Variants in ZSCAN5A observed in about 807,000 individuals in gnomAD.
ZSCAN5A encodes the protein zinc finger and SCAN domain-containing protein 5A.
In ZSCAN5A, 12 loss-of-function variants were observed where a neutral mutation model predicts 23.7. The ratio of observed to expected loss-of-function variants is 0.51; its 90% CI spans 0.32 to 0.82. The LOEUF is 0.82. ZSCAN5A is among the 40% of genes least tolerant of loss of function. The pLI is 0.03. For missense variants in ZSCAN5A, 597 were observed against 617.9 expected, an observed-to-expected ratio of 0.97 and a Z score of 0.36; for synonymous variants, 257 against 239.9, an observed-to-expected ratio of 1.07 and a Z score of -0.66.
intron 2 of ZSCAN5A, among the ~76,000 whole-genome samples, chr19:56,228,973 G>A (rs1475424460): frequency 6.6e-6 from 1 of 152,216 alleles, no homozygotes; most frequent in Admixed American, 6.5e-5. Flanking sequence ...GACGGTGATA[G>A]GGTGGTTTAT....
intron 2 of ZSCAN5A, chr19:56,297,883 C>T (rs920841922): frequency 1.3e-5 from 2 of 152,170 alleles, no homozygotes; most frequent in African/African-American, 4.8e-5. Context: ...AGCAGCAAGC[C>T]ACCAAGTGAT....
rs997107282 is a variant in ZSCAN5A, at chr19:56,221,711, C to T, written c.1355G>A (p.Arg452Lys). 13 of 1,614,058 alleles carry T rather than the reference C, an allele frequency of 8.1e-6. No homozygotes were observed. The highest frequency in any genetic ancestry group is 6.7e-5 in the Admixed American group (4 of 60,002). ...GCGCTGGTGCTCCTTCAGGCTCCCC[C>T]TGTAGGTGAAAACTTTCTTGCAGTC... Reference protein sequence around the residue: ...CKDCKKVFTYRGSLKEHQRIH... With the variant: ...CKDCKKVFTYKGSLKEHQRIH... Residue 452 changes from arginine (R) to lysine (K), a missense_variant, in exon 6 of 6, where the codon AGG (arginine) becomes AAG (lysine). By Grantham distance (26) the Arg-to-Lys change is conservative. Around this residue, in one of 5 missense-constraint regions of ZSCAN5A, gnomAD observed 87 missense variants for 74.4 expected, o/e 1.17. Transcript: ENST00000683990.
chr19:56,320,936 C>T (rs1335558017), intron 2 of ZSCAN5A: 1 of 751,954 alleles, frequency 1.3e-6, no homozygotes, highest in Non-Finnish European at 2.5e-6. Context: ...TCTACTTGGT[C>T]CTGCTTTCAA....
intron 1 of ZSCAN5A, chr19:56,367,984 CT>C (rs1330044086): frequency 6.6e-6 from 1 of 152,368 alleles, no homozygotes; most frequent in Admixed American, 6.5e-5. Context: ...CCTTCCCCCC[CT>C]CTTAAAGCCT....
At chr19:56,320,049 C>T in intron 2 of ZSCAN5A, 1 of 797,030 alleles carries the variant, frequency 1.3e-6, no homozygotes, top group South Asian at 1.3e-5. Flanking sequence ...TTCTGGTCTG[C>T]ATCAGACTTA....
Position 56,221,467 on chromosome 19 carries a change from C to T in ZSCAN5A, c.*108G>A. ...CTGGCAATTCATATCTAGGGCACTC[C>T]CTCTGTGTGTCAGACGCCCTTGCAT... On this transcript the variant is annotated 3_prime_UTR_variant, in exon 6 of 6. Transcript: ENST00000683990. 1 of 1,380,136 alleles carries T rather than the reference C, an allele frequency of 7.2e-7. No individual in the cohort carries two copies. Among genetic ancestry groups the T allele is most frequent in the Admixed American group, 2.3e-5 (1 of 42,658 alleles). 85.5% of individuals were successfully genotyped at this position (1,380,136 alleles called of 1,614,324 possible). A position where few individuals can be genotyped will look rare whatever the true frequency, so the allele number is the denominator to read the frequency against.
intron 2 of ZSCAN5A, among the ~76,000 whole-genome samples, chr19:56,325,535 A>G (rs905419836): frequency 6.6e-6 from 1 of 152,136 alleles, no homozygotes; most frequent in Non-Finnish European, 1.5e-5. Flanking sequence ...TCACTCTTGC[A>G]TGACCTTTTA....
chr19:56,350,911 G>T (rs1454631734), intron 2 of ZSCAN5A, among the ~76,000 whole-genome samples: 2 of 151,000 alleles, frequency 1.3e-5, no homozygotes, highest in African/African-American at 4.9e-5. Context: ...ACTTTAAATG[G>T]TGCTGTGAGC....
intron 2 of ZSCAN5A, among the ~76,000 whole-genome samples, chr19:56,251,966 T>G (rs2036374513): frequency 6.6e-6 from 1 of 152,232 alleles, no homozygotes; most frequent in African/African-American, 2.4e-5. Context: ...ATATATTCTC[T>G]GCTCCTTTGT....
chr19:56,336,893 C>T (rs1313428741), intron 2 of ZSCAN5A, among the ~76,000 whole-genome samples: 7 of 152,168 alleles, frequency 4.6e-5, no homozygotes, highest in African/African-American at 1.7e-4. Context: ...GGCTGCAGAA[C>T]AGCGGATATT....
intron 2 of ZSCAN5A, among the ~76,000 whole-genome samples, chr19:56,301,124 G>T (rs1400013840): frequency 6.6e-6 from 1 of 152,168 alleles, no homozygotes; most frequent in African/African-American, 2.4e-5. Context: ...GTGCAAGAAA[G>T]AATTTGAGGC....
chr19:56,302,537 T>TCCCCGTTCCTCCCTC (rs1568726049), intron 2 of ZSCAN5A, among the ~76,000 whole-genome samples: 1 of 49,228 alleles, frequency 2.0e-5, no homozygotes, highest in Non-Finnish European at 4.5e-5. Context: ...TCCCTCTTCT[T>TCCCCGTTCCTCCCTC]CCTCCCCGTT....
chr19:56,325,730 CTGT>C (rs35087517), intron 2 of ZSCAN5A, among the ~76,000 whole-genome samples: 31,020 of 151,436 alleles, frequency 0.2, 4,407 homozygotes, highest in African/African-American at 0.41. Flanking sequence ...TACTGGTTAT[CTGT>C]TGTTGTTGTT....
At chr19:56,357,394 G>A (rs1277258615) in intron 2 of ZSCAN5A, among the ~76,000 whole-genome samples, 2 of 148,262 alleles carry the variant, frequency 1.3e-5, no homozygotes, top group Admixed American at 6.7e-5. Flanking sequence ...GGTACACGCA[G>A]TATTTTGATA....
At chr19:56,320,960 A>G (rs1355363998) in intron 2 of ZSCAN5A, 3 of 740,864 alleles carry the variant, frequency 4.0e-6, no homozygotes, top group Middle Eastern at 2.4e-4. Context: ...GTGGGTTTTG[A>G]TAGCAGCATT....
chr19:56,264,884 G>C (rs1294769809), intron 2 of ZSCAN5A, among the ~76,000 whole-genome samples: 1 of 152,202 alleles, frequency 6.6e-6, no homozygotes, highest in African/African-American at 2.4e-5. Flanking sequence ...CACTTTGGGA[G>C]GCCGAGGCAG....
rs917849992 is a variant in ZSCAN5A at position 56,352,611 on chromosome 19, G to A, written c.-358+10624C>T. ...ATATAGCAATGATAGTTGGTTTTTT[G>A]TAGACAATTATCAAAGTAAGGCGGT... is the stretch of plus-strand genomic sequence containing the variant. On this transcript the variant is annotated intron_variant, in intron 2 of 6. Coordinates refer to the ZSCAN5A transcript ENST00000587340. The surrounding 1 kb of genome is among the most constrained non-coding windows in gnomAD (Gnocchi z 4.2). Among the ~76,000 whole-genome samples, 17 of 152,218 alleles carry A rather than the reference G, an allele frequency of 1.1e-4. No individual in the cohort carries two copies. Among genetic ancestry groups the A allele is most frequent in the Non-Finnish European group, 2.1e-4 (14 of 68,046 alleles).
At chr19:56,248,354 C>T (rs1055850885) in intron 2 of ZSCAN5A, among the ~76,000 whole-genome samples, 7 of 152,008 alleles carry the variant, frequency 4.6e-5, no homozygotes, top group South Asian at 2.1e-4. Flanking sequence ...CTGACCTCCA[C>T]GGCTCAAGCA....
rs951002286 is a variant in ZSCAN5A, at chr19:56,235,099, G to A, written c.-127-9926C>T. On this transcript the variant is annotated intron_variant, in intron 2 of 5. Coordinates refer to ENST00000683990, the MANE Select transcript of ZSCAN5A (RefSeq NM_001322064.3). Reference sequence around the variant, plus strand: ...GCCTCCACTCCAACCTCTGATGGACGGTGGGCCAAGCCTCCACTCCAACCT... The same window carrying A: ...GCCTCCACTCCAACCTCTGATGGACAGTGGGCCAAGCCTCCACTCCAACCT... Among the ~76,000 whole-genome samples the A allele has an allele frequency of 2.1e-4, 20 of 95,424 alleles. 1 individual carries two copies. The highest frequency in any genetic ancestry group is 3.7e-4 in the Non-Finnish European group (16 of 42,716). 62.6% of individuals were successfully genotyped at this position (95,424 alleles called of 152,430 possible). A position where few individuals can be genotyped will look rare whatever the true frequency, so the allele number is the denominator to read the frequency against.
Sources: gnomAD v4.1 joint callset for allele counts (sites outside exome capture counted in the v4.1 genomes callset) on GRCh38, gnomAD v4.1.1 for gene constraint, gnomAD v4.1.1 regional missense constraint, Gnocchi (gnomAD v3.1) non-coding constraint, MANE v1.5 for transcripts, NCBI Gene and HGNC (gene_info 2026-07-23, HGNC 2026-07-21) for gene names.